The following PPFIA2 variants were observed in gnomAD, a reference collection of about 807,000 sequenced individuals.
PPFIA2 encodes PPFI scaffold protein A2.
PPFIA2 carries 46 observed loss-of-function variants against 175.5 expected under a neutral mutation model. That is an observed-to-expected ratio of 0.26 (90% CI 0.21 to 0.34). The LOEUF (loss-of-function observed/expected upper bound fraction) is 0.34. Among genes scored for constraint, PPFIA2 ranks in the 10% least tolerant of loss-of-function variants. The pLI, the probability that PPFIA2 is intolerant of heterozygous loss-of-function variation, is 1.00. For synonymous variants in PPFIA2, 568 were observed against 511.4 expected (o/e 1.11, Z -1.49); for missense variants, 1,179 against 1,506.1 (o/e 0.78, Z 3.60).
chr12:81,469,445 C>T (rs2056339802), intron 4 of PPFIA2, among the ~76,000 whole-genome samples: 1 of 152,184 alleles, frequency 6.6e-6, no homozygotes, highest in South Asian at 2.1e-4. Context: ...GGGTGCCCCG[C>T]ATGCACCCCT....
At chr12:81,572,193 A>C (rs1422206849) in intron 4 of PPFIA2, among the ~76,000 whole-genome samples, 1 of 151,890 alleles carries the variant, frequency 6.6e-6, no homozygotes, top group Admixed American at 6.6e-5. Flanking sequence ...CACTTCTCCT[A>C]ATCTCCCTAC....
At chr12:81,695,182 T>C (rs1426299128) in intron 3 of PPFIA2, among the ~76,000 whole-genome samples, 1 of 152,136 alleles carries the variant, frequency 6.6e-6, no homozygotes, top group Non-Finnish European at 1.5e-5. Context: ...AAGGCATGAT[T>C]GTATTTTGCA....
chr12:81,305,648 A>G (rs1247252684), intron 22 of PPFIA2, among the ~76,000 whole-genome samples: 2 of 151,974 alleles, frequency 1.3e-5, no homozygotes, highest in Non-Finnish European at 1.5e-5. Flanking sequence ...GAGTGATGCC[A>G]CTCATATCAT....
rs2034388686 is a variant in PPFIA2 at position 81,258,160 on chromosome 12, C to G, written c.*1534G>C. 6.6e-6 allele frequency: 1 copy of G among 151,994 alleles called. No homozygotes were observed. Among genetic ancestry groups the G allele is most frequent in the African/African-American group, 2.4e-5 (1 of 41,394 alleles). The allele number at this position is 151,994 out of a possible 1,614,324, so 9.4% of individuals were successfully genotyped here. A position where few individuals can be genotyped will look rare whatever the true frequency, so the allele number is the denominator to read the frequency against. ...TTAGATCTCCCTCTTGTGGCAGACT[C>G]AATTTTGAAGCTAAATATTTGGGTC... On this transcript the variant is annotated 3_prime_UTR_variant, in exon 33 of 33. Transcript: ENST00000549396.
At chr12:81,655,798 G>A (rs2067699588) in intron 4 of PPFIA2, among the ~76,000 whole-genome samples, 1 of 151,932 alleles carries the variant, frequency 6.6e-6, no homozygotes, top group South Asian at 2.1e-4. Context: ...TTATCACATT[G>A]CTCAGATTAT....
intron 4 of PPFIA2, among the ~76,000 whole-genome samples, chr12:81,458,577 G>A (rs1229228892): frequency 6.6e-6 from 1 of 152,026 alleles, no homozygotes; most frequent in Non-Finnish European, 1.5e-5. Flanking sequence ...AAAAATTGGG[G>A]ATTCTGGAGT....
chr12:81,629,879 T>G (rs1370144805), intron 4 of PPFIA2, among the ~76,000 whole-genome samples: 1 of 152,202 alleles, frequency 6.6e-6, no homozygotes, highest in Non-Finnish European at 1.5e-5. Flanking sequence ...GAAGCCTGTA[T>G]GTGTTACTTT....
At chr12:81,504,127 T>C (rs2060885177) in intron 4 of PPFIA2, among the ~76,000 whole-genome samples, 1 of 152,014 alleles carries the variant, frequency 6.6e-6, no homozygotes, top group Non-Finnish European at 1.5e-5. Context: ...TCCCATATAT[T>C]TAAAAGTCTT....
chr12:81,493,787 T>TATATACAC (rs1491517743), intron 4 of PPFIA2, among the ~76,000 whole-genome samples: 3 of 128,348 alleles, frequency 2.3e-5, no homozygotes, highest in Admixed American at 7.9e-5. Flanking sequence ...TATATATATA[T>TATATACAC]ACACATTGGA....
chr12:81,368,111 A>G, intron 13 of PPFIA2: 1 of 1,288,028 alleles, frequency 7.8e-7, no homozygotes, highest in South Asian at 1.2e-5. Flanking sequence ...ACCTTAATTT[A>G]TGCTCTGGAA....
At chr12:81,346,041 G>A (rs2059015287) in intron 18 of PPFIA2, among the ~76,000 whole-genome samples, 1 of 152,036 alleles carries the variant, frequency 6.6e-6, no homozygotes, top group Non-Finnish European at 1.5e-5. Flanking sequence ...AGCTTAAAGA[G>A]GTAACTGTCT....
chr12:81,548,456 G>A (rs1258888937), intron 4 of PPFIA2, among the ~76,000 whole-genome samples: 2 of 152,100 alleles, frequency 1.3e-5, no homozygotes, highest in East Asian at 3.9e-4. Context: ...TTTGTCCAAA[G>A]CTGGAGAATA....
At chr12:81,479,118 A>G (rs1164761214) in intron 4 of PPFIA2, among the ~76,000 whole-genome samples, 1 of 152,156 alleles carries the variant, frequency 6.6e-6, no homozygotes, top group Non-Finnish European at 1.5e-5. Context: ...GGGTCCATAT[A>G]TATTTAGGAT....
chr12:81,291,781 A>G (rs1385992644), intron 24 of PPFIA2, among the ~76,000 whole-genome samples: 12 of 152,092 alleles, frequency 7.9e-5, no homozygotes, highest in Non-Finnish European at 1.6e-4. Flanking sequence ...CGATAAATGA[A>G]TAATGAATTG....
In PPFIA2 at chr12:81,263,950, G is replaced by T. The variant is rs12310401; in HGVS notation, c.3556-560C>A. Among the ~76,000 whole-genome samples, 269 of 152,292 alleles carry T rather than the reference G, an allele frequency of 1.8e-3. 3 individuals are homozygous for T. The highest frequency in any genetic ancestry group is 6.1e-3 in the African/African-American group (252 of 41,564). On this transcript the variant is annotated intron_variant, in intron 30 of 32. Coordinates refer to ENST00000549396, the MANE Select transcript of PPFIA2 (RefSeq NM_003625.5). ...GATTTGTGAAGTTTTAGGTGACACA[G>T]AATTAACTTGCAATTTGTTGAAAAA...
chr12:81,701,368 G>T (rs2076456837), intron 3 of PPFIA2, among the ~76,000 whole-genome samples: 2 of 152,192 alleles, frequency 1.3e-5, no homozygotes, highest in African/African-American at 4.8e-5. Flanking sequence ...CATTTAGAGA[G>T]AGTTATGAGG....
chr12:81,732,583 T>C (rs941376612), intron 3 of PPFIA2, among the ~76,000 whole-genome samples: 6 of 149,312 alleles, frequency 4.0e-5, no homozygotes, highest in African/African-American at 1.5e-4. Flanking sequence ...TGTGTATTTC[T>C]TACATATACT....
intron 4 of PPFIA2, among the ~76,000 whole-genome samples, chr12:81,651,038 T>A (rs1167027580): frequency 6.6e-6 from 1 of 152,202 alleles, no homozygotes; most frequent in African/African-American, 2.4e-5. Flanking sequence ...AGGTTAAAAA[T>A]CTTTTCACAT....
At chr12:81,551,014 T>C (rs1352177334) in intron 4 of PPFIA2, among the ~76,000 whole-genome samples, 2 of 151,676 alleles carry the variant, frequency 1.3e-5, no homozygotes, top group African/African-American at 4.8e-5. Flanking sequence ...GAGTAAAAAA[T>C]AGTTATTGAA....
Sources: gnomAD v4.1 joint callset for allele counts (sites outside exome capture counted in the v4.1 genomes callset) on GRCh38, gnomAD v4.1.1 for gene constraint, MANE v1.5 for transcripts, NCBI Gene and HGNC (gene_info 2026-07-23, HGNC 2026-07-21) for gene names.